RBFOX2: variants seen among roughly 807,000 people sequenced by gnomAD.
RBFOX2 encodes the protein RNA binding protein fox-1 homolog 2.
In RBFOX2, 10 loss-of-function variants were observed where a neutral mutation model predicts 49.1. That is an observed-to-expected ratio of 0.20 (90% confidence interval 0.13 to 0.35). The LOEUF (loss-of-function observed/expected upper bound fraction) is 0.35. RBFOX2 is among the 10% of genes least tolerant of loss of function. RBFOX2 has a pLI of 1.00. For missense variants in RBFOX2, 323 were observed against 486.9 expected (o/e 0.66, Z 3.17); for synonymous variants, 183 against 187.4 (o/e 0.98, Z 0.19).
intron 3 of RBFOX2, among the ~76,000 whole-genome samples, chr22:35,780,176 T>C (rs143530404): frequency 0.016 from 2,386 of 152,268 alleles, 31 homozygotes; most frequent in Middle Eastern, 0.051. Context: ...AAGAACATCA[T>C]TAAATCTCAA....
chr22:35,781,673 G>T, exon 3 of RBFOX2: 1 of 1,614,190 alleles, frequency 6.2e-7, no homozygotes, highest in South Asian at 1.1e-5. Context: ...TTTCGGGGTA[G>T]ATTTACTCTC....
intron 1 of RBFOX2, among the ~76,000 whole-genome samples, chr22:35,976,857 G>C (rs927845524): frequency 3.9e-5 from 6 of 151,946 alleles, no homozygotes; most frequent in Non-Finnish European, 1.5e-5. Context: ...CCAGCTACTT[G>C]GGAGGCTGAG....
chr22:35,809,847 T>C, exon 2 of RBFOX2: 1 of 1,613,938 alleles, frequency 6.2e-7, no homozygotes. Context: ...CGTACTTCCG[T>C]AGAGTGTCAG....
chr22:36,026,211 A>C (rs1168807787), intron 1 of RBFOX2, among the ~76,000 whole-genome samples: 2 of 149,326 alleles, frequency 1.3e-5, no homozygotes, highest in African/African-American at 4.9e-5. Flanking sequence ...GTGGAGGTGG[A>C]GGTTGCAGTG....
chr22:36,008,583 G>A (rs985475132), intron 1 of RBFOX2, among the ~76,000 whole-genome samples: 19 of 152,250 alleles, frequency 1.2e-4, no homozygotes, highest in African/African-American at 4.1e-4. Context: ...TTGGGAGCCC[G>A]AAGTAGGTGG....
chr22:35,962,481 T>C (rs1024977457), upstream of RBFOX2, among the ~76,000 whole-genome samples: 7 of 152,230 alleles, frequency 4.6e-5, no homozygotes, highest in African/African-American at 1.7e-4. Flanking sequence ...CAAGAGTAAG[T>C]TGGCATTATT....
At chr22:36,025,277 C>T (rs1037999848) in intron 1 of RBFOX2, among the ~76,000 whole-genome samples, 3 of 152,214 alleles carry the variant, frequency 2.0e-5, no homozygotes, top group South Asian at 4.1e-4. Context: ...ACCCTCACCT[C>T]CTCTACCTGA....
chr22:35,849,196 A>C (rs968695563), intron 1 of RBFOX2, among the ~76,000 whole-genome samples: 1 of 152,028 alleles, frequency 6.6e-6, no homozygotes, highest in African/African-American at 2.4e-5. Flanking sequence ...CATCTGCTCA[A>C]AACAAAGCCT....
At chr22:35,793,875 A>C (rs1426247549) in intron 2 of RBFOX2, among the ~76,000 whole-genome samples, 1 of 152,208 alleles carries the variant, frequency 6.6e-6, no homozygotes, top group Non-Finnish European at 1.5e-5. Flanking sequence ...CCATTTTCTC[A>C]GAGTGTCAAA....
At position 35,744,332 on chromosome 22, in the gene RBFOX2, C is replaced by T. The variant is rs540750545; in HGVS notation, c.1050-83G>A. On this transcript the variant is annotated intron_variant, in intron 11 of 11. Transcript: ENST00000405409. ...TGAAGAAAAATGTCCAGAGAGGGAT[C>T]TAGAAACAGCCTGCTTCGAAGCCTC... The T allele has an allele frequency of 2.3e-6, 3 of 1,296,218 alleles. No individual in the cohort carries two copies. In the Admixed American group the frequency reaches 7.0e-5, roughly 30 times the overall value. The allele number at this position is 1,296,218 out of a possible 1,614,324, so 80.3% of individuals were successfully genotyped here.
chr22:35,741,386 A>T (rs1929873392), exon 12 of RBFOX2: 1 of 152,154 alleles, frequency 6.6e-6, no homozygotes, highest in African/African-American at 2.4e-5. Flanking sequence ...GAAATGCCAG[A>T]CTCCTCTGAC....
intron 4 of RBFOX2, among the ~76,000 whole-genome samples, chr22:35,772,091 A>G (rs979835113): frequency 6.6e-6 from 1 of 152,216 alleles, no homozygotes; most frequent in Non-Finnish European, 1.5e-5. Flanking sequence ...CAAATAGATT[A>G]TATAATCTGT....
At chr22:35,919,353 C>T (rs1209799908) in intron 1 of RBFOX2, among the ~76,000 whole-genome samples, 1 of 152,162 alleles carries the variant, frequency 6.6e-6, no homozygotes, top group African/African-American at 2.4e-5. Flanking sequence ...GCCTGGCCAA[C>T]ATGGCGAAAT....
At chr22:35,966,307 A>G (rs1038376580), upstream of RBFOX2, among the ~76,000 whole-genome samples, 9 of 152,172 alleles carry the variant, frequency 5.9e-5, no homozygotes, top group Non-Finnish European at 1.2e-4. Context: ...ATCCTTGCAC[A>G]TGTCTTTCAG....
chr22:35,994,230 AAC>A (rs895146307), intron 1 of RBFOX2: 9 of 151,992 alleles, frequency 5.9e-5, no homozygotes, highest in South Asian at 2.1e-4. Context: ...TATTGAATCC[AAC>A]ACAGTTAAAA....
intron 2 of RBFOX2, among the ~76,000 whole-genome samples, chr22:35,787,043 T>A (rs1223577926): frequency 6.6e-6 from 1 of 152,050 alleles, no homozygotes; most frequent in Non-Finnish European, 1.5e-5. Flanking sequence ...GTTCTATACC[T>A]TTTTAAATTT....
chr22:35,948,953 A>G (rs952683128), intron 1 of RBFOX2, among the ~76,000 whole-genome samples: 3 of 152,276 alleles, frequency 2.0e-5, no homozygotes, highest in African/African-American at 7.2e-5. Context: ...TGCTGCACCC[A>G]ATAAACACTA....
At chr22:35,880,084 A>G (rs956166950) in intron 1 of RBFOX2, among the ~76,000 whole-genome samples, 1 of 152,052 alleles carries the variant, frequency 6.6e-6, no homozygotes, top group Non-Finnish European at 1.5e-5. Flanking sequence ...TGAACCTGAG[A>G]GGCGGAGGTT....
At chr22:35,800,514 G>A (rs996658158) in intron 2 of RBFOX2, among the ~76,000 whole-genome samples, 2 of 152,110 alleles carry the variant, frequency 1.3e-5, no homozygotes, top group African/African-American at 4.8e-5. Flanking sequence ...TTTATCCCGA[G>A]GCATTTTGAT....
Sources: gnomAD v4.1 joint callset for allele counts (sites outside exome capture counted in the v4.1 genomes callset) on GRCh38, gnomAD v4.1.1 for gene constraint, MANE v1.5 for transcripts, NCBI Gene and HGNC (gene_info 2026-07-23, HGNC 2026-07-21) for gene names.